Variants in AGBL1 observed in about 807,000 individuals in gnomAD.
AGBL1 encodes AGBL carboxypeptidase 1, also known as cytosolic carboxypeptidase 4.
In AGBL1, 130 loss-of-function variants were observed where a neutral mutation model predicts 118.9. That is an observed-to-expected ratio of 1.09 (90% CI 0.95 to 1.26). The LOEUF (loss-of-function observed/expected upper bound fraction) is 1.26, where lower values mean the gene tolerates loss of function less well. AGBL1 is among the 50% of genes most tolerant of loss of function. AGBL1 has a pLI of 0.00. For missense variants in AGBL1, 1,584 were observed against 1,298.1 expected (o/e 1.22, Z -3.38); for synonymous variants, 555 against 478.9 (o/e 1.16, Z -2.08).
chr15:86,239,543 C>A (rs115677191), intron 6 of AGBL1, among the ~76,000 whole-genome samples: 4,594 of 150,584 alleles, frequency 0.031, 150 homozygotes, highest in South Asian at 0.11. Context: ...CACACCTGGG[C>A]CTGACATTGC....
chr15:86,925,892 G>A (rs988751570), intron 23 of AGBL1, among the ~76,000 whole-genome samples: 9 of 151,288 alleles, frequency 5.9e-5, no homozygotes, highest in African/African-American at 1.5e-4. Flanking sequence ...CACCATGCCC[G>A]GCTAATTTTC....
intron 20 of AGBL1, among the ~76,000 whole-genome samples, chr15:86,549,731 A>G (rs1003116239): frequency 2.6e-5 from 4 of 152,048 alleles, no homozygotes; most frequent in African/African-American, 9.7e-5. Context: ...TCAAATAATT[A>G]AAGAAAATTA....
intron 17 of AGBL1, among the ~76,000 whole-genome samples, chr15:86,317,848 G>A (rs1597724280): frequency 6.6e-6 from 1 of 152,308 alleles, no homozygotes. Context: ...TGGGCCAGAT[G>A]TGGCCCATGA....
chr15:86,355,642 A>T (rs529358026), intron 17 of AGBL1, among the ~76,000 whole-genome samples: 1 of 152,286 alleles, frequency 6.6e-6, no homozygotes, highest in South Asian at 2.1e-4. Context: ...ATACATGCAG[A>T]TATATAGTTG....
At chr15:86,469,337 A>T (rs1224320905) in intron 18 of AGBL1, among the ~76,000 whole-genome samples, 1 of 152,166 alleles carries the variant, frequency 6.6e-6, no homozygotes, top group African/African-American at 2.4e-5. Flanking sequence ...ACCATGTAGT[A>T]TTTATATTTA....
At chr15:86,612,972 G>A (rs2084677736) in intron 21 of AGBL1, among the ~76,000 whole-genome samples, 1 of 152,160 alleles carries the variant, frequency 6.6e-6, no homozygotes, top group Non-Finnish European at 1.5e-5. Context: ...GCTTCAAGAT[G>A]TCTTGCCTTT....
At position 86,208,546 on chromosome 15, in the gene AGBL1, G is replaced by C. The variant is rs983887329; in HGVS notation, c.489-16368G>C. 4.6e-5 allele frequency among the ~76,000 whole-genome samples: 7 copies of C among 152,138 alleles called. No homozygotes were observed. The East Asian group carries it at 1.3e-3, about 29-fold the overall frequency. ...TTCAGCTTCTTCCTGATTTAGTCTT[G>C]GGAGGGTGCATATGTCCAGGAATTT... is the stretch of plus-strand genomic sequence containing the variant. On this transcript the variant is annotated intron_variant, in intron 5 of 22. Coordinates refer to ENST00000614907, the MANE Select transcript of AGBL1 (RefSeq NM_001386094.1).
chr15:87,011,349 A>G (rs1278323487), intron 24 of AGBL1, among the ~76,000 whole-genome samples: 1 of 152,222 alleles, frequency 6.6e-6, no homozygotes, highest in Non-Finnish European at 1.5e-5. Context: ...CACTGTGTTG[A>G]TCCATTGAGA....
chr15:86,186,266 T>A (rs1357147084), intron 5 of AGBL1, among the ~76,000 whole-genome samples: 1 of 152,184 alleles, frequency 6.6e-6, no homozygotes, highest in East Asian at 1.9e-4. Context: ...AAATAGCTAA[T>A]GTATGCTGGA....
chr15:86,896,264 G>A (rs2080124472), intron 22 of AGBL1, among the ~76,000 whole-genome samples: 1 of 151,870 alleles, frequency 6.6e-6, no homozygotes, highest in African/African-American at 2.4e-5. Context: ...TGCTTTTGCT[G>A]CTTTTCGTAT....
At chr15:86,969,095 C>G (rs1477470220) in intron 23 of AGBL1, among the ~76,000 whole-genome samples, 1 of 151,944 alleles carries the variant, frequency 6.6e-6, no homozygotes, top group African/African-American at 2.4e-5. Flanking sequence ...CATATGCAAA[C>G]TATATTAATT....
chr15:86,469,696 CA>C (rs2082454358), intron 18 of AGBL1, among the ~76,000 whole-genome samples: 2 of 152,092 alleles, frequency 1.3e-5, no homozygotes, highest in African/African-American at 2.4e-5. Flanking sequence ...TTGCCACCAA[CA>C]GTATACAAAG....
chr15:86,682,462 A>G (rs2085977988), intron 22 of AGBL1, among the ~76,000 whole-genome samples: 1 of 152,186 alleles, frequency 6.6e-6, no homozygotes, highest in Admixed American at 6.5e-5. Flanking sequence ...ATTTCTGTGA[A>G]GAAAGAGGTT....
chr15:86,742,656 A>G (rs2077696733), intron 22 of AGBL1, among the ~76,000 whole-genome samples: 1 of 152,118 alleles, frequency 6.6e-6, no homozygotes, highest in Admixed American at 6.6e-5. Flanking sequence ...GGATTTGCCC[A>G]TTTTGCCACA....
At chr15:86,852,200 C>G (rs1013767112) in intron 22 of AGBL1, among the ~76,000 whole-genome samples, 1 of 152,098 alleles carries the variant, frequency 6.6e-6, no homozygotes, top group Non-Finnish European at 1.5e-5. Flanking sequence ...AAGCAGGCAC[C>G]TTCTTCACAA....
chr15:86,741,682 A>T (rs1316269900), intron 22 of AGBL1, among the ~76,000 whole-genome samples: 1 of 152,090 alleles, frequency 6.6e-6, no homozygotes, highest in Non-Finnish European at 1.5e-5. Flanking sequence ...AAAAGAATTT[A>T]GTCCCTTACT....
At chr15:86,650,172 C>T (rs1181336639) in intron 21 of AGBL1, among the ~76,000 whole-genome samples, 1 of 152,146 alleles carries the variant, frequency 6.6e-6, no homozygotes, top group African/African-American at 2.4e-5. Context: ...CTCTCTTCTC[C>T]CATTCTTCAT....
At chr15:86,678,707 G>A (rs1438776225) in intron 22 of AGBL1, among the ~76,000 whole-genome samples, 3 of 151,762 alleles carry the variant, frequency 2.0e-5, no homozygotes, top group Middle Eastern at 3.4e-3. Context: ...TGTCTACCTC[G>A]GTTTAATAAC....
chr15:86,247,435 A>G (rs2078738677), intron 6 of AGBL1, among the ~76,000 whole-genome samples: 1 of 152,198 alleles, frequency 6.6e-6, no homozygotes, highest in African/African-American at 2.4e-5. Context: ...ACACTATAGA[A>G]GTGATGCCGA....
Sources: allele counts gnomAD v4.1 joint callset (sites outside exome capture counted in the v4.1 genomes callset), GRCh38; gene constraint gnomAD v4.1.1; transcripts MANE v1.5; gene names NCBI Gene and HGNC (gene_info 2026-07-23, HGNC 2026-07-21).